Variants in GALNT13 observed in about 807,000 individuals in gnomAD.
GALNT13 encodes the protein UDP-GalNAc:polypeptide N-acetylgalactosaminyltransferase 13.
In GALNT13, 28 loss-of-function variants were observed where a neutral mutation model predicts 64.2. That is an observed-to-expected ratio of 0.44 (90% CI 0.32 to 0.60). The LOEUF (loss-of-function observed/expected upper bound fraction) is 0.60. Ranked by LOEUF, GALNT13 falls within the 20% of genes least tolerant of loss-of-function variation. The pLI is 0.05. For missense variants in GALNT13, 577 were observed against 669.8 expected, an observed-to-expected ratio of 0.86 and a Z score of 1.53; for synonymous variants, 214 against 224.6, an observed-to-expected ratio of 0.95 and a Z score of 0.42.
Position 154,340,456 on chromosome 2 carries a change from G to A in GALNT13, c.1156+38867G>A, listed in dbSNP as rs139761434. The stretch of plus-strand genomic sequence containing the variant: ...GCAGGAAAATTGTTTGGCTCTTAAT[G>A]TCACTTCACACTGAGTTTTCTTGAT... On this transcript the variant is annotated intron_variant, in intron 9 of 12. Transcript: ENST00000392825. Among the ~76,000 whole-genome samples, 352 of 152,130 alleles carry A rather than the reference G, an allele frequency of 2.3e-3. 1 individual carries two copies. Among genetic ancestry groups the A allele is most frequent in the Middle Eastern group, 0.014 (4 of 294 alleles).
At chr2:153,259,828 C>T in the GALNT13 span, among the ~76,000 whole-genome samples, 1 of 152,148 alleles carries the variant, frequency 6.6e-6, no homozygotes, top group African/African-American at 2.4e-5. Context: ...AACATACTTG[C>T]CACGTTGTTA....
intron 4 of GALNT13, among the ~76,000 whole-genome samples, chr2:154,145,153 ATAAATTTTATTTATATG>A (rs1683519779): frequency 6.8e-6 from 1 of 147,332 alleles, no homozygotes; most frequent in Middle Eastern, 3.3e-3. Flanking sequence ...AAATTTATAT[ATAAATTTTATTTATATG>A]TATAAATAAA....
intron 3 of GALNT13, among the ~76,000 whole-genome samples, chr2:154,075,122 G>C (rs6719809): frequency 0.19 from 28,425 of 151,754 alleles, 3,371 homozygotes; most frequent in Non-Finnish European, 0.26. Context: ...CTCTCTTCAT[G>C]GATGAAATGA....
the GALNT13 span, among the ~76,000 whole-genome samples, chr2:153,723,559 C>T: frequency 1.6e-4 from 24 of 151,450 alleles, no homozygotes; most frequent in African/African-American, 3.2e-4. Flanking sequence ...AAAACCCCAT[C>T]GTCTCAGCCC....
chr2:153,980,824 G>GCT (rs1694412252), intron 3 of GALNT13, among the ~76,000 whole-genome samples: 1 of 152,142 alleles, frequency 6.6e-6, no homozygotes, highest in South Asian at 2.1e-4. Flanking sequence ...TAGTCATGCA[G>GCT]TGGTTTGCAA....
chr2:153,172,978 A>G, the GALNT13 span, among the ~76,000 whole-genome samples: 66,863 of 151,830 alleles, frequency 0.44, 15,135 homozygotes, highest in East Asian at 0.74. Flanking sequence ...TGTGCTTCGG[A>G]TATCTCCTCC....
At chr2:154,271,047 A>T (rs904797540) in intron 8 of GALNT13, among the ~76,000 whole-genome samples, 36 of 152,038 alleles carry the variant, frequency 2.4e-4, no homozygotes, top group African/African-American at 8.2e-4. Context: ...CACAAGATGC[A>T]GGGATGTAGA....
chr2:154,253,074 C>T (rs563055092), intron 7 of GALNT13, among the ~76,000 whole-genome samples: 2 of 152,160 alleles, frequency 1.3e-5, no homozygotes, highest in Middle Eastern at 3.4e-3. Context: ...ATACTATAAG[C>T]TTTGTGCTGG....
the GALNT13 span, among the ~76,000 whole-genome samples, chr2:153,772,090 GTGC>G: frequency 6.6e-6 from 1 of 152,166 alleles, no homozygotes; most frequent in Admixed American, 6.5e-5. Flanking sequence ...GCTGATTCCA[GTGC>G]TTACCACTGA....
At chr2:153,075,003 G>A in the GALNT13 span, among the ~76,000 whole-genome samples, 1 of 152,110 alleles carries the variant, frequency 6.6e-6, no homozygotes, top group Non-Finnish European at 1.5e-5. Context: ...AAAGTGCTGG[G>A]ATTACAGATG....
At chr2:154,036,971 C>G (rs1050108393) in intron 3 of GALNT13, among the ~76,000 whole-genome samples, 1 of 152,004 alleles carries the variant, frequency 6.6e-6, no homozygotes, top group African/African-American at 2.4e-5. Flanking sequence ...CTCTAGAAAA[C>G]AAAAATAAAA....
the GALNT13 span, among the ~76,000 whole-genome samples, chr2:153,145,371 C>T: frequency 6.6e-6 from 1 of 151,824 alleles, no homozygotes; most frequent in African/African-American, 2.4e-5. Flanking sequence ...ATTCTGAAAA[C>T]ATGTATAGCC....
chr2:153,542,452 T>A, the GALNT13 span, among the ~76,000 whole-genome samples: 1 of 152,126 alleles, frequency 6.6e-6, no homozygotes, highest in South Asian at 2.1e-4. Flanking sequence ...CAGTTCTGAA[T>A]ACAGCTTGAG....
At chr2:153,263,180 T>A in the GALNT13 span, among the ~76,000 whole-genome samples, 1 of 152,006 alleles carries the variant, frequency 6.6e-6, no homozygotes, top group South Asian at 2.1e-4. Context: ...AAATTATGAA[T>A]GACCTCCCAT....
At chr2:154,422,517 A>G (rs1700297773) in intron 11 of GALNT13, among the ~76,000 whole-genome samples, 1 of 152,192 alleles carries the variant, frequency 6.6e-6, no homozygotes. Flanking sequence ...TGTCCATTCC[A>G]ATTTCGAATA....
chr2:153,872,597 T>A (rs1686029429), intron 1 of GALNT13, among the ~76,000 whole-genome samples: 1 of 119,524 alleles, frequency 8.4e-6, no homozygotes, highest in African/African-American at 3.3e-5. Flanking sequence ...CTTTTCTGGC[T>A]ACCCCGGTGA....
chr2:154,001,605 C>T (rs1359995305), intron 3 of GALNT13, among the ~76,000 whole-genome samples: 1 of 151,956 alleles, frequency 6.6e-6, no homozygotes, highest in African/African-American at 2.4e-5. Context: ...TTTCAATTTA[C>T]ATAATTTTAT....
intron 3 of GALNT13, among the ~76,000 whole-genome samples, chr2:154,033,869 G>T (rs760834348): frequency 1.3e-5 from 2 of 152,170 alleles, no homozygotes; most frequent in African/African-American, 2.4e-5. Flanking sequence ...AACCCGGGGG[G>T]TGGAGGTTGC....
At chr2:153,485,232 C>A in the GALNT13 span, among the ~76,000 whole-genome samples, 1 of 152,136 alleles carries the variant, frequency 6.6e-6, no homozygotes, top group African/African-American at 2.4e-5. Context: ...TTAACCTTTT[C>A]GTAAGACATA....
Sources: gnomAD v4.1 joint callset for allele counts (sites outside exome capture counted in the v4.1 genomes callset) on GRCh38, gnomAD v4.1.1 for gene constraint, MANE v1.5 for transcripts, NCBI Gene and HGNC (gene_info 2026-07-23, HGNC 2026-07-21) for gene names.